COG3: variants seen among roughly 807,000 people sequenced by gnomAD.
The protein encoded by COG3 is component of oligomeric golgi complex 3.
Under a neutral mutation model 114.1 loss-of-function variants are expected in COG3, and 32 were observed. The observed-to-expected ratio is 0.28, with a 90% confidence interval of 0.21 to 0.38. The LOEUF is 0.38. Ranked by LOEUF, COG3 falls within the 10% of genes least tolerant of loss-of-function variation. The probability of loss-of-function intolerance (pLI) is 1.00; values close to 1 mark genes in which losing one functional copy is unlikely to be tolerated. For missense variants in COG3, 813 were observed against 973.2 expected (o/e 0.84, Z 2.19); for synonymous variants, 352 against 365.7 (o/e 0.96, Z 0.43).
intron 22 of COG3, among the ~76,000 whole-genome samples, chr13:45,532,793 G>C (rs529952919): frequency 6.6e-6 from 1 of 151,974 alleles, no homozygotes; most frequent in South Asian, 2.1e-4. Context: ...TGCTGACCGC[G>C]TGATCCACCC....
At chr13:45,526,558 A>G (rs900448569) in intron 20 of COG3, among the ~76,000 whole-genome samples, 7 of 152,242 alleles carry the variant, frequency 4.6e-5, no homozygotes, top group South Asian at 2.1e-4. Context: ...GATGATGTCA[A>G]TATAGGTTTG....
At chr13:45,475,458 CCT>C (rs1885803030) in intron 1 of COG3, among the ~76,000 whole-genome samples, 1 of 152,056 alleles carries the variant, frequency 6.6e-6, no homozygotes, top group Admixed American at 6.5e-5. Flanking sequence ...CCCAACTCTG[CCT>C]CTCAAAGTGC....
chr13:45,526,671 G>A (rs150357420), intron 20 of COG3, among the ~76,000 whole-genome samples: 3 of 152,272 alleles, frequency 2.0e-5, no homozygotes, highest in Non-Finnish European at 2.9e-5. Context: ...TATTTTAAAC[G>A]TTCGTTGTGA....
chr13:45,489,280 A>AAAAAAAAAAAAAG (rs56278172), intron 8 of COG3, among the ~76,000 whole-genome samples: 1 of 145,658 alleles, frequency 6.9e-6, no homozygotes, highest in Non-Finnish European at 1.5e-5. Context: ...AAAAAAAAAA[A>AAAAAAAAAAAAAG]GCCAACCAGT....
intron 1 of COG3, among the ~76,000 whole-genome samples, chr13:45,469,988 G>A (rs1436956729): frequency 2.6e-5 from 4 of 152,126 alleles, no homozygotes; most frequent in African/African-American, 4.8e-5. Context: ...AGAATTGGAC[G>A]AGCAGGGGAG....
chr13:45,480,382 A>G, intron 4 of COG3, 92 bp downstream of exon 4: 1 of 932,550 alleles, frequency 1.1e-6, no homozygotes, highest in South Asian at 2.2e-5. Context: ...AATTTCTCCA[A>G]GATGTTCAAC....
At chr13:45,503,689 T>C (rs1298351814) in intron 14 of COG3, among the ~76,000 whole-genome samples, 2 of 152,062 alleles carry the variant, frequency 1.3e-5, no homozygotes, top group African/African-American at 4.8e-5. Context: ...TTGTTTAAGA[T>C]AGATAGAATA....
chr13:45,536,020 T>G lies in COG3; in HGVS notation c.*1289T>G. 1.4e-5 allele frequency: 3 copies of G among 218,892 alleles called. No individual in the cohort carries two copies. The highest frequency in any genetic ancestry group is 2.4e-5 in the Non-Finnish European group (3 of 127,396). The allele number at this position is 218,892 out of a possible 1,614,324, so 13.6% of individuals were successfully genotyped here. A position where few individuals can be genotyped will look rare whatever the true frequency, so the allele number is the denominator to read the frequency against. The stretch of plus-strand genomic sequence containing the variant: ...TGAGGCAGCACTTCTGCAGGGTGCA[T>G]ACCCTGATTGTTGTCATTTGTAACA... On this transcript the variant is annotated 3_prime_UTR_variant, in exon 23 of 23. Transcript: ENST00000349995.
At chr13:45,497,320 C>T (rs991921311) in intron 13 of COG3, among the ~76,000 whole-genome samples, 5 of 152,098 alleles carry the variant, frequency 3.3e-5, no homozygotes, top group Admixed American at 6.5e-5. Context: ...AGTGCTGAAA[C>T]AGAATTAGAA....
Position 45,503,247 on chromosome 13 carries a change from A to G in COG3, c.1492A>G (p.Ile498Val). 6.5e-7 allele frequency: 1 copy of G among 1,548,472 alleles called. No individual in the cohort carries two copies. Among genetic ancestry groups the G allele is most frequent in the African/African-American group, 1.4e-5 (1 of 73,648 alleles). ...TCCTTCTGATTTCTTTATACAGCAGATTGCACAGAGTTTGAAAGATGAACA... is the reference window on the plus strand; with the variant it reads ...TCCTTCTGATTTCTTTATACAGCAGGTTGCACAGAGTTTGAAAGATGAACA... ...YPDKLVMMEQ[I>V]AQSLKDEQKK... Residue 498 changes from isoleucine (I) to valine (V), a missense_variant, in exon 14 of 23, where the codon ATT (isoleucine) becomes GTT (valine). Physicochemically the swap from Ile to Val is conservative, Grantham distance 29 (BLOSUM62 3). Coordinates refer to ENST00000349995, the MANE Select transcript of COG3 (RefSeq NM_031431.4).
intron 2 of COG3, among the ~76,000 whole-genome samples, chr13:45,478,226 C>T (rs1413813777): frequency 1.4e-5 from 2 of 144,640 alleles, no homozygotes; most frequent in South Asian, 2.2e-4. Flanking sequence ...GAGTCTCGCT[C>T]TGTCACCCAA....
chr13:45,515,164 G>C (rs1871410821), intron 16 of COG3, among the ~76,000 whole-genome samples: 1 of 152,160 alleles, frequency 6.6e-6, no homozygotes, highest in Non-Finnish European at 1.5e-5. Context: ...TTTAAAAATA[G>C]AGCAAGTATT....
chr13:45,468,802 G>C (rs1459791557), intron 1 of COG3, among the ~76,000 whole-genome samples: 1 of 152,220 alleles, frequency 6.6e-6, no homozygotes, highest in African/African-American at 2.4e-5. Flanking sequence ...AGTGGTGTCT[G>C]TCTGCTCCAT....
At chr13:45,492,292 C>G (rs773242504) in intron 11 of COG3, 42 bp downstream of exon 11, 1 of 1,153,386 alleles carries the variant, frequency 8.7e-7, no homozygotes, top group East Asian at 2.5e-5. Context: ...TAAAATTTAA[C>G]TTGCTAATGA....
chr13:45,511,803 T>G lies in COG3; in HGVS notation c.1758T>G (p.Ser586=), dbSNP rs1566264850. The G allele has an allele frequency of 9.3e-6, 15 of 1,614,116 alleles. No homozygotes were observed. Among genetic ancestry groups the G allele is most frequent in the Non-Finnish European group, 1.2e-5 (14 of 1,179,962 alleles). Reference sequence around the variant, plus strand: ...AAGGATTATCACAGGAAGCATTGTCTGCCTGCATTCAGTCCTTACTTGGAG... The same window carrying G: ...AAGGATTATCACAGGAAGCATTGTCGGCCTGCATTCAGTCCTTACTTGGAG... ...VFQGLSQEAL[S]ACIQSLLGAS... Residue 586 remains serine, a synonymous_variant, in exon 16 of 23, where the codon TCT becomes TCG. Coordinates refer to ENST00000349995, the MANE Select transcript of COG3 (RefSeq NM_031431.4).
At chr13:45,493,022 T>C (rs1295160879) in intron 11 of COG3, among the ~76,000 whole-genome samples, 1 of 152,192 alleles carries the variant, frequency 6.6e-6, no homozygotes, top group Admixed American at 6.5e-5. Context: ...AATTAAGTCC[T>C]CTGAAATACT....
At chr13:45,530,558 T>C in intron 21 of COG3, 124 bp from the exon 22 acceptor site, 1 of 647,090 alleles carries the variant, frequency 1.5e-6, no homozygotes, top group Non-Finnish European at 2.8e-6. Flanking sequence ...TATGCGTCTT[T>C]GGTAATATCA....
chr13:45,524,868 T>C (rs1872529059), intron 19 of COG3, 108 bp from the exon 20 acceptor site: 2 of 664,062 alleles, frequency 3.0e-6, no homozygotes, highest in African/African-American at 1.8e-5. Context: ...TTAATAGGTT[T>C]AAATGGTGTT....
intron 16 of COG3, among the ~76,000 whole-genome samples, chr13:45,515,782 T>C (rs56303300): frequency 0.32 from 48,827 of 152,132 alleles, 8,922 homozygotes; most frequent in Admixed American, 0.42. Flanking sequence ...AGGATCCTGC[T>C]TGTTATTTGA....
Sources: allele counts gnomAD v4.1 joint callset (sites outside exome capture counted in the v4.1 genomes callset), GRCh38; gene constraint gnomAD v4.1.1; transcripts MANE v1.5; gene names NCBI Gene and HGNC (gene_info 2026-07-23, HGNC 2026-07-21).